Variants in MARCHF1 observed in about 807,000 individuals in gnomAD.
The protein encoded by MARCHF1 is membrane associated ring-CH-type finger 1, also known as E3 ubiquitin-protein ligase MARCHF1.
A neutral mutation model predicts 54.2 loss-of-function variants in MARCHF1; 40 were observed. That is an observed-to-expected ratio of 0.74 (90% confidence interval 0.57 to 0.96). MARCHF1 has a LOEUF of 0.96. MARCHF1 is among the 40% of genes least tolerant of loss of function. The probability of loss-of-function intolerance (pLI) is 0.00; values close to 1 mark genes in which losing one functional copy is unlikely to be tolerated. For synonymous variants in MARCHF1, 236 were observed against 236.3 expected, an observed-to-expected ratio of 1.00 and a Z score of 0.01; for missense variants, 586 against 656.5, an observed-to-expected ratio of 0.89 and a Z score of 1.17.
rs115104865 is a variant in MARCHF1, at chr4:163,532,650, A to G, written c.1340-3604T>C. On this transcript the variant is annotated intron_variant, in intron 9 of 9. Coordinates refer to ENST00000514618, the MANE Select transcript of MARCHF1 (RefSeq NM_001394959.1). ...AACATATTCTGAAAAAGGGATTTGT[A>G]TCCAAAATATACAAAGATCTGTTAA... 4.0e-3 allele frequency among the ~76,000 whole-genome samples: 613 copies of G among 152,092 alleles called. 9 individuals are homozygous for G. The highest frequency in any genetic ancestry group is 0.014 in the African/African-American group (578 of 41,538).
chr4:164,068,637 C>T (rs1373170591), intron 2 of MARCHF1, among the ~76,000 whole-genome samples: 1 of 152,164 alleles, frequency 6.6e-6, no homozygotes, highest in African/African-American at 2.4e-5. Flanking sequence ...GAGCCTCCCC[C>T]ACCTGCCATG....
intron 1 of MARCHF1, among the ~76,000 whole-genome samples, chr4:164,127,626 T>C (rs1304554906): frequency 6.6e-6 from 1 of 152,108 alleles, no homozygotes; most frequent in African/African-American, 2.4e-5. Flanking sequence ...AGATATATCA[T>C]GAGAGGGAAT....
Position 164,049,764 on chromosome 4 carries a change from T to A in MARCHF1, c.-247-61055A>T, listed in dbSNP as rs546026255. Among the ~76,000 whole-genome samples, 170 of 152,316 alleles carry A rather than the reference T, an allele frequency of 1.1e-3. 1 individual carries two copies. The highest frequency in any genetic ancestry group is 3.6e-3 in the African/African-American group (151 of 41,566). ...TCTTGTCATATATACTGCACACATG[T>A]ATACACACACATTTGAGAAACCTAC... On this transcript the variant is annotated intron_variant, in intron 2 of 9. Coordinates refer to ENST00000514618, the MANE Select transcript of MARCHF1 (RefSeq NM_001394959.1).
chr4:164,013,954 G>T (rs899747205), intron 2 of MARCHF1, among the ~76,000 whole-genome samples: 1 of 151,974 alleles, frequency 6.6e-6, no homozygotes, highest in African/African-American at 2.4e-5. Context: ...CAGGATGCAG[G>T]TGGATCATGA....
chr4:164,299,207 C>T (rs1734487961), intron 1 of MARCHF1, among the ~76,000 whole-genome samples: 1 of 152,064 alleles, frequency 6.6e-6, no homozygotes. Context: ...TATTATGTTC[C>T]TTCCATTAGA....
At chr4:163,638,310 G>A (rs555919155) in intron 5 of MARCHF1, among the ~76,000 whole-genome samples, 4 of 151,588 alleles carry the variant, frequency 2.6e-5, no homozygotes, top group African/African-American at 9.7e-5. Flanking sequence ...GGTGAAAAAC[G>A]TATGGATCAT....
At chr4:164,165,115 T>A (rs909889271) in intron 1 of MARCHF1, among the ~76,000 whole-genome samples, 1 of 151,988 alleles carries the variant, frequency 6.6e-6, no homozygotes, top group Non-Finnish European at 1.5e-5. Flanking sequence ...ATAAGAGAGA[T>A]AGAATCTTTG....
At chr4:164,033,121 C>A (rs1753913622) in intron 2 of MARCHF1, among the ~76,000 whole-genome samples, 1 of 151,204 alleles carries the variant, frequency 6.6e-6, no homozygotes, top group Non-Finnish European at 1.5e-5. Context: ...TTGCAGTGAG[C>A]CAAGATTGTG....
At chr4:163,808,999 C>T (rs1452146919) in intron 4 of MARCHF1, among the ~76,000 whole-genome samples, 16 of 152,180 alleles carry the variant, frequency 1.1e-4, no homozygotes, top group Admixed American at 1.0e-3. Flanking sequence ...ACCACCTCTA[C>T]CACCTCATCT....
intron 3 of MARCHF1, among the ~76,000 whole-genome samples, chr4:163,865,872 A>G (rs1397037672): frequency 6.6e-6 from 1 of 151,534 alleles, no homozygotes; most frequent in Admixed American, 6.6e-5. Context: ...TAAATTTTGC[A>G]AAACCCTAAA....
At chr4:163,579,526 C>T (rs1740148999) in intron 8 of MARCHF1, among the ~76,000 whole-genome samples, 1 of 152,192 alleles carries the variant, frequency 6.6e-6, no homozygotes, top group Admixed American at 6.5e-5. Context: ...GGGCATTTGA[C>T]TGCAGACAGT....
chr4:163,656,209 A>G, intron 5 of MARCHF1, among the ~76,000 whole-genome samples: 1 of 151,996 alleles, frequency 6.6e-6, no homozygotes, highest in East Asian at 1.9e-4. Flanking sequence ...CATAATAAAA[A>G]ATGACAAAGA....
At chr4:163,980,083 A>G (rs1752731360) in intron 3 of MARCHF1, among the ~76,000 whole-genome samples, 1 of 148,996 alleles carries the variant, frequency 6.7e-6, no homozygotes, top group Non-Finnish European at 1.5e-5. Flanking sequence ...AAAAGAACAA[A>G]GCTGGAGGCA....
intron 5 of MARCHF1, among the ~76,000 whole-genome samples, chr4:163,657,556 G>C (rs1397949208): frequency 1.3e-5 from 2 of 151,732 alleles, no homozygotes; most frequent in Non-Finnish European, 1.5e-5. Context: ...TTAGAAAAAA[G>C]CTACTTTAAA....
intron 5 of MARCHF1, among the ~76,000 whole-genome samples, chr4:163,649,671 C>T (rs187068130): frequency 2.0e-5 from 3 of 152,018 alleles, no homozygotes; most frequent in Middle Eastern, 3.4e-3. Context: ...CAAAAAAAAC[C>T]GCATGGGACT....
chr4:163,815,843 G>C, intron 4 of MARCHF1, among the ~76,000 whole-genome samples: 1 of 152,040 alleles, frequency 6.6e-6, no homozygotes, highest in East Asian at 1.9e-4. Context: ...AATTAATACA[G>C]AAACAGGGAA....
At chr4:164,154,799 G>A (rs938104760) in intron 1 of MARCHF1, among the ~76,000 whole-genome samples, 6 of 152,192 alleles carry the variant, frequency 3.9e-5, no homozygotes, top group Non-Finnish European at 7.3e-5. Flanking sequence ...GGCAGGGGAC[G>A]ATTGTGCCAG....
rs1261556787 is a variant in MARCHF1, at chr4:164,361,464, A to AATGCCCATCTACTTCAGT, written c.-323+22405_-323+22406insACTGAAGTAGATGGGCAT. Among the ~76,000 whole-genome samples, 4 of 152,052 alleles carry AATGCCCATCTACTTCAGT rather than the reference A, an allele frequency of 2.6e-5. No homozygotes were observed. In the South Asian group the frequency reaches 8.3e-4, roughly 31 times the overall value. On this transcript the variant is annotated intron_variant, in intron 1 of 9. Coordinates refer to ENST00000514618, the MANE Select transcript of MARCHF1 (RefSeq NM_001394959.1). ...TGTCATTCCATTATGGGCCTTACCA[A>AATGCCCATCTACTTCAGT]AGATCTGCAGTATCTACTGAAACTG...
chr4:163,631,232 T>G (rs578078811), intron 5 of MARCHF1, among the ~76,000 whole-genome samples: 1 of 152,098 alleles, frequency 6.6e-6, no homozygotes, highest in Non-Finnish European at 1.5e-5. Flanking sequence ...AGTCTCTATC[T>G]TCTAGACTGG....
Sources: gnomAD v4.1 joint callset for allele counts (sites outside exome capture counted in the v4.1 genomes callset) on GRCh38, gnomAD v4.1.1 for gene constraint, MANE v1.5 for transcripts, NCBI Gene and HGNC (gene_info 2026-07-23, HGNC 2026-07-21) for gene names.